The following ABTB3 variants were observed in gnomAD, a reference collection of about 807,000 sequenced individuals.
ABTB3 encodes the protein ankyrin repeat- and BTB/POZ domain-containing protein 3.
chr12:107,340,271 A>C, the ABTB3 span, among the ~76,000 whole-genome samples: 1 of 152,224 alleles, frequency 6.6e-6, no homozygotes, highest in Non-Finnish European at 1.5e-5. Context: ...TTAGTGGAGA[A>C]AAAATGGTCT....
the ABTB3 span, among the ~76,000 whole-genome samples, chr12:107,395,199 C>T: frequency 6.6e-6 from 1 of 152,214 alleles, no homozygotes; most frequent in Admixed American, 6.5e-5. Context: ...GTTTCTTACA[C>T]TGGTGTTTCT....
chr12:107,620,216 G>T, the ABTB3 span: 79 of 1,596,686 alleles, frequency 4.9e-5, 1 homozygote, highest in East Asian at 1.4e-3. Context: ...AAAGCTGGAG[G>T]TTCCCAGATC....
the ABTB3 span, among the ~76,000 whole-genome samples, chr12:107,381,969 A>C: frequency 6.6e-6 from 1 of 152,178 alleles, no homozygotes; most frequent in Non-Finnish European, 1.5e-5. Context: ...TCATTCAACA[A>C]ATGTTTATTG....
the ABTB3 span, among the ~76,000 whole-genome samples, chr12:107,639,712 G>A: frequency 2.0e-5 from 3 of 152,176 alleles, no homozygotes; most frequent in Non-Finnish European, 4.4e-5. Context: ...AGTTCAAATT[G>A]TAGCTTCTCC....
the ABTB3 span, among the ~76,000 whole-genome samples, chr12:107,569,158 C>A: frequency 1.3e-5 from 2 of 152,178 alleles, no homozygotes; most frequent in African/African-American, 2.4e-5. Context: ...TTCTCAAAGC[C>A]ACCACCCAAT....
At chr12:107,580,896 C>A in the ABTB3 span, 1 of 1,551,164 alleles carries the variant, frequency 6.4e-7, no homozygotes, top group Non-Finnish European at 8.7e-7. Context: ...CACATTATCC[C>A]CAGGCTACAG....
the ABTB3 span, among the ~76,000 whole-genome samples, chr12:107,431,549 C>T: frequency 2.0e-4 from 30 of 152,270 alleles, no homozygotes; most frequent in Admixed American, 1.6e-3. Flanking sequence ...GCGGAGGTTG[C>T]AGTGAGCCGA....
the ABTB3 span, among the ~76,000 whole-genome samples, chr12:107,394,430 T>C: frequency 6.6e-6 from 1 of 152,216 alleles, no homozygotes; most frequent in African/African-American, 2.4e-5. Flanking sequence ...TCCATTCTGA[T>C]CTTGGCTTCT....
the ABTB3 span, among the ~76,000 whole-genome samples, chr12:107,446,086 C>T: frequency 3.9e-5 from 6 of 152,090 alleles, no homozygotes; most frequent in Non-Finnish European, 8.8e-5. Context: ...TCTGGGAATT[C>T]GAGTGTAGCA....
chr12:107,535,556 C>T, the ABTB3 span, among the ~76,000 whole-genome samples: 1 of 152,052 alleles, frequency 6.6e-6, no homozygotes, highest in Non-Finnish European at 1.5e-5. Context: ...AACTGAGTAA[C>T]AAATTCAGTA....
At chr12:107,386,616 G>A in the ABTB3 span, among the ~76,000 whole-genome samples, 7 of 152,330 alleles carry the variant, frequency 4.6e-5, no homozygotes, top group South Asian at 1.0e-3. Context: ...GTTAAAAAGA[G>A]TATCTGCCAC....
chr12:107,476,435 C>T, the ABTB3 span, among the ~76,000 whole-genome samples: 1 of 152,106 alleles, frequency 6.6e-6, no homozygotes, highest in Non-Finnish European at 1.5e-5. Flanking sequence ...GTTCCATCTC[C>T]TTGTTTGCCT....
chr12:107,484,427 A>G, the ABTB3 span, among the ~76,000 whole-genome samples: 14 of 152,216 alleles, frequency 9.2e-5, no homozygotes, highest in Non-Finnish European at 1.9e-4. Flanking sequence ...GAACAAGTTC[A>G]AAGAATAATA....
At chr12:107,463,650 C>T in the ABTB3 span, among the ~76,000 whole-genome samples, 1 of 152,174 alleles carries the variant, frequency 6.6e-6, no homozygotes, top group African/African-American at 2.4e-5. Flanking sequence ...CAGTATAAGA[C>T]AAGTGCTTGC....
chr12:107,603,453 T>A, the ABTB3 span, among the ~76,000 whole-genome samples: 1 of 152,186 alleles, frequency 6.6e-6, no homozygotes, highest in African/African-American at 2.4e-5. Flanking sequence ...CTTTCAAGAA[T>A]GAAGACCACA....
chr12:107,427,097 C>T, the ABTB3 span, among the ~76,000 whole-genome samples: 1 of 152,190 alleles, frequency 6.6e-6, no homozygotes, highest in Non-Finnish European at 1.5e-5. Flanking sequence ...CAAAATGAGG[C>T]TTCTGGGGCT....
At chr12:107,539,566 C>T in the ABTB3 span, among the ~76,000 whole-genome samples, 1 of 152,164 alleles carries the variant, frequency 6.6e-6, no homozygotes. Context: ...CTAAAAAAGT[C>T]AACCCCAGCA....
At chr12:107,626,343 C>CCT in the ABTB3 span, among the ~76,000 whole-genome samples, 1 of 112,530 alleles carries the variant, frequency 8.9e-6, no homozygotes, top group Non-Finnish European at 1.7e-5. Context: ...CTATCGTCAT[C>CCT]TTTTTTTTTT....
chr12:107,528,884 AGAT>A, the ABTB3 span, among the ~76,000 whole-genome samples: 543 of 145,506 alleles, frequency 3.7e-3, 3 homozygotes, highest in African/African-American at 0.013. Context: ...ATGATGATGG[AGAT>A]GATGATGGTG....
Sources: gnomAD v4.1 joint callset for allele counts (sites outside exome capture counted in the v4.1 genomes callset) on GRCh38, gnomAD v4.1.1 for gene constraint, MANE v1.5 for transcripts, NCBI Gene and HGNC (gene_info 2026-07-23, HGNC 2026-07-21) for gene names.